Variants in ROBO2 observed in about 807,000 individuals in gnomAD.
ROBO2 encodes the protein roundabout homolog 2.
A neutral mutation model predicts 160.8 loss-of-function variants in ROBO2; 53 were observed. The ratio of observed to expected loss-of-function variants is 0.33; its 90% CI spans 0.26 to 0.41. The LOEUF (loss-of-function observed/expected upper bound fraction) is 0.41, where lower values mean the gene tolerates loss of function less well. Among genes scored for constraint, ROBO2 ranks in the 10% least tolerant of loss-of-function variants. The probability of loss-of-function intolerance (pLI) is 1.00; values close to 1 mark genes in which losing one functional copy is unlikely to be tolerated. For missense variants in ROBO2, 1,577 were observed against 1,722.4 expected, an observed-to-expected ratio of 0.92 and a Z score of 1.49; for synonymous variants, 664 against 611.7, an observed-to-expected ratio of 1.09 and a Z score of -1.26.
At chr3:76,847,355 C>T (rs1380471761) in intron 2 of ROBO2, among the ~76,000 whole-genome samples, 1 of 152,046 alleles carries the variant, frequency 6.6e-6, no homozygotes, top group African/African-American at 2.4e-5. Context: ...TCATGTTGCT[C>T]CTTATGGAAC....
intron 2 of ROBO2, among the ~76,000 whole-genome samples, chr3:76,186,502 C>G (rs1426410646): frequency 2.0e-5 from 2 of 99,902 alleles, no homozygotes; most frequent in Non-Finnish European, 4.1e-5. Flanking sequence ...TCATCTTCCA[C>G]AATGAAAGGA....
chr3:76,603,263 C>G (rs2087306659), intron 2 of ROBO2, among the ~76,000 whole-genome samples: 1 of 144,006 alleles, frequency 6.9e-6, no homozygotes, highest in Non-Finnish European at 1.5e-5. Flanking sequence ...ACCCGGGAGG[C>G]AGAGCTTGCA....
chr3:75,933,081 TAA>T (rs1947616103), intron 1 of ROBO2, among the ~76,000 whole-genome samples: 1 of 152,174 alleles, frequency 6.6e-6, no homozygotes, highest in Non-Finnish European at 1.5e-5. Flanking sequence ...AGACTCCTTT[TAA>T]TAGTGACTCA....
upstream of ROBO2, among the ~76,000 whole-genome samples, chr3:77,036,898 T>G (rs191212029): frequency 3.1e-3 from 464 of 152,100 alleles, 3 homozygotes; most frequent in Non-Finnish European, 2.8e-3. Context: ...CTGCTAAAAT[T>G]TAATTTCCAA....
chr3:77,584,344 A>T (rs1411885155), intron 16 of ROBO2, among the ~76,000 whole-genome samples: 2 of 152,168 alleles, frequency 1.3e-5, no homozygotes, highest in Admixed American at 6.6e-5. Flanking sequence ...CATTCAATAC[A>T]TGCATCCCCT....
chr3:76,751,768 C>T (rs963745397), intron 2 of ROBO2, among the ~76,000 whole-genome samples: 10 of 151,932 alleles, frequency 6.6e-5, no homozygotes, highest in Admixed American at 1.3e-4. Context: ...GTTAGAATGG[C>T]GATCATTAAA....
At chr3:77,381,078 G>A (rs1171932942) in intron 2 of ROBO2, among the ~76,000 whole-genome samples, 2 of 152,176 alleles carry the variant, frequency 1.3e-5, no homozygotes, top group Non-Finnish European at 2.9e-5. Flanking sequence ...CACTTTGGGA[G>A]GCCTAGGCGG....
intron 2 of ROBO2, among the ~76,000 whole-genome samples, chr3:76,222,786 C>T (rs1157845135): frequency 1.3e-5 from 2 of 151,620 alleles, no homozygotes; most frequent in East Asian, 3.9e-4. Context: ...ATGGAGTCTC[C>T]TTCTGTCGCC....
At chr3:76,454,128 TAAG>T (rs2077623434) in intron 2 of ROBO2, among the ~76,000 whole-genome samples, 1 of 152,138 alleles carries the variant, frequency 6.6e-6, no homozygotes, top group Non-Finnish European at 1.5e-5. Context: ...TTCATTCACT[TAAG>T]AAACCTTTTG....
chr3:76,898,532 A>G lies in ROBO2; in HGVS notation c.110-199482A>G, dbSNP rs150634881. 6.6e-5 allele frequency among the ~76,000 whole-genome samples: 10 copies of G among 152,226 alleles called. No individual in the cohort carries two copies. In the East Asian group the frequency reaches 9.7e-4, roughly 15 times the overall value. Reference sequence around the variant, plus strand: ...TTTGTAAAACACATTTTTAATAACAATGGGTTACATGCTAAGATCCTATAT... The same window carrying G: ...TTTGTAAAACACATTTTTAATAACAGTGGGTTACATGCTAAGATCCTATAT... On this transcript the variant is annotated intron_variant, in intron 2 of 26. Transcript: ENST00000487694.
At chr3:76,273,701 C>G (rs1432012283) in intron 2 of ROBO2, among the ~76,000 whole-genome samples, 1 of 152,034 alleles carries the variant, frequency 6.6e-6, no homozygotes, top group Non-Finnish European at 1.5e-5. Flanking sequence ...ATCATGAGAA[C>G]TCACTCACGA....
intron 2 of ROBO2, among the ~76,000 whole-genome samples, chr3:77,363,682 T>C (rs2153470961): frequency 6.6e-6 from 1 of 152,322 alleles, no homozygotes; most frequent in African/African-American, 2.4e-5. Flanking sequence ...CAGACACTTC[T>C]TGGTCTCTCT....
At chr3:76,610,922 G>T (rs1560231894) in intron 2 of ROBO2, among the ~76,000 whole-genome samples, 1 of 152,210 alleles carries the variant, frequency 6.6e-6, no homozygotes, top group Non-Finnish European at 1.5e-5. Flanking sequence ...GGACACTGGA[G>T]AGTGAATAAG....
intron 2 of ROBO2, among the ~76,000 whole-genome samples, chr3:76,343,590 A>G (rs1311125922): frequency 2.0e-5 from 3 of 151,656 alleles, no homozygotes; most frequent in Non-Finnish European, 4.4e-5. Context: ...AAAAACCGCA[A>G]TTACGTTTGC....
intron 2 of ROBO2, among the ~76,000 whole-genome samples, chr3:77,184,370 A>T (rs1273693375): frequency 1.3e-5 from 2 of 152,074 alleles, no homozygotes; most frequent in Admixed American, 6.6e-5. Flanking sequence ...TTAGAAGTGG[A>T]CTTTGCCATT....
intron 2 of ROBO2, among the ~76,000 whole-genome samples, chr3:76,307,524 G>T (rs1516470): frequency 1.3e-5 from 2 of 151,514 alleles, no homozygotes; most frequent in Non-Finnish European, 2.9e-5. Context: ...TGCCTCTCTC[G>T]GTGGACCTTC....
chr3:76,567,793 G>GTGTATATA (rs2084679635), intron 2 of ROBO2, among the ~76,000 whole-genome samples: 1 of 83,008 alleles, frequency 1.2e-5, no homozygotes, highest in East Asian at 4.6e-4. Flanking sequence ...GTGTGTGTGT[G>GTGTATATA]TGTGTATATA....
chr3:76,518,396 A>G (rs2081441592), intron 2 of ROBO2, among the ~76,000 whole-genome samples: 1 of 152,114 alleles, frequency 6.6e-6, no homozygotes, highest in Non-Finnish European at 1.5e-5. Context: ...TAAAATAATC[A>G]CATCATGATT....
intron 2 of ROBO2, among the ~76,000 whole-genome samples, chr3:77,313,950 C>CA (rs2153424623): frequency 6.6e-6 from 1 of 152,292 alleles, no homozygotes; most frequent in African/African-American, 2.4e-5. Flanking sequence ...CCTTGGGCTA[C>CA]ATGCCTATTT....
Sources: gnomAD v4.1 joint callset for allele counts (sites outside exome capture counted in the v4.1 genomes callset) on GRCh38, gnomAD v4.1.1 for gene constraint, MANE v1.5 for transcripts, NCBI Gene and HGNC (gene_info 2026-07-23, HGNC 2026-07-21) for gene names.